NDST3: variants seen among roughly 807,000 people sequenced by gnomAD.
The protein encoded by NDST3 is N-deacetylase and N-sulfotransferase 3, also known as bifunctional heparan sulfate N-deacetylase/N-sulfotransferase 3.
NDST3 carries 58 observed loss-of-function variants against 96.1 expected under a neutral mutation model. That is an observed-to-expected ratio of 0.60 (90% CI 0.49 to 0.75). The LOEUF (loss-of-function observed/expected upper bound fraction) is 0.75. Ranked by LOEUF, NDST3 falls within the 30% of genes least tolerant of loss-of-function variation. NDST3 has a pLI of 0.00. For missense variants in NDST3, 788 were observed against 1,034.2 expected, an observed-to-expected ratio of 0.76 and a Z score of 3.27; for synonymous variants, 333 against 359.7, an observed-to-expected ratio of 0.93 and a Z score of 0.84.
At chr4:118,131,951 T>C (rs1455311127) in intron 4 of NDST3, among the ~76,000 whole-genome samples, 2 of 152,124 alleles carry the variant, frequency 1.3e-5, no homozygotes, top group Non-Finnish European at 2.9e-5. Context: ...ACTGGGATTA[T>C]GATGATGCAA....
chr4:118,189,927 T>C (rs1167697806), intron 6 of NDST3, among the ~76,000 whole-genome samples: 3 of 152,164 alleles, frequency 2.0e-5, no homozygotes, highest in African/African-American at 7.2e-5. Flanking sequence ...CCATAGGTCT[T>C]TTATGTTTTA....
intron 2 of NDST3, among the ~76,000 whole-genome samples, chr4:118,065,865 C>T (rs1260517493): frequency 6.6e-6 from 1 of 150,608 alleles, no homozygotes; most frequent in Non-Finnish European, 1.5e-5. Flanking sequence ...TTTTTCCCCC[C>T]TTCATACATA....
At chr4:118,047,129 CA>C (rs1371359663) in intron 1 of NDST3, among the ~76,000 whole-genome samples, 1 of 152,174 alleles carries the variant, frequency 6.6e-6, no homozygotes, top group African/African-American at 2.4e-5. Context: ...GATCCCAGCC[CA>C]AACTACCACG....
intron 1 of NDST3, among the ~76,000 whole-genome samples, chr4:118,035,826 CAT>C (rs914080856): frequency 4.1e-4 from 63 of 152,056 alleles, no homozygotes; most frequent in African/African-American, 1.5e-3. Flanking sequence ...GAGCTTGTCA[CAT>C]GAGTTAATTT....
rs1742103724 is a variant in NDST3, at chr4:118,256,080, CACT to C, written c.*369_*371del. The C allele has an allele frequency of 6.5e-6, 1 of 154,370 alleles. No individual in the cohort carries two copies. Among genetic ancestry groups the C allele is most frequent in the Non-Finnish European group, 1.4e-5 (1 of 69,652 alleles). 9.6% of individuals were successfully genotyped at this position (154,370 alleles called of 1,614,324 possible). On this transcript the variant is annotated 3_prime_UTR_variant, in exon 14 of 14. Transcript: ENST00000296499. ...ATTGTGTCTCTGTAGGTTTTTAGACCACTGTTTGCCTGTACGATGTTTTCTTAT... is the reference window on the plus strand; with the variant it reads ...ATTGTGTCTCTGTAGGTTTTTAGACCGTTTGCCTGTACGATGTTTTCTTAT...
At chr4:118,253,214 TA>T (rs1741869283) in intron 12 of NDST3, among the ~76,000 whole-genome samples, 2 of 152,212 alleles carry the variant, frequency 1.3e-5, no homozygotes, top group South Asian at 4.1e-4. Context: ...ATGAAGGAAG[TA>T]GCCTTATTAA....
At chr4:118,223,443 A>C (rs10024837) in intron 6 of NDST3, among the ~76,000 whole-genome samples, 6 of 152,080 alleles carry the variant, frequency 3.9e-5, no homozygotes, top group African/African-American at 1.4e-4. Context: ...AAAATAATTT[A>C]TTTGTAAAAG....
intron 6 of NDST3, among the ~76,000 whole-genome samples, chr4:118,202,529 A>G (rs1738158115): frequency 6.6e-6 from 1 of 151,690 alleles, no homozygotes; most frequent in Non-Finnish European, 1.5e-5. Context: ...GAGATCTTTC[A>G]CCTCCTTGGC....
intron 8 of NDST3, among the ~76,000 whole-genome samples, chr4:118,227,497 A>C (rs1739966394): frequency 3.9e-5 from 6 of 152,148 alleles, no homozygotes. Flanking sequence ...AGACATACAC[A>C]AAACTTTGTG....
intron 6 of NDST3, among the ~76,000 whole-genome samples, chr4:118,197,220 C>A (rs572107478): frequency 8.5e-5 from 13 of 152,202 alleles, no homozygotes; most frequent in African/African-American, 2.9e-4. Flanking sequence ...ATATGATTAA[C>A]ATTTTTTTGA....
chr4:118,037,528 C>G (rs1724220175), intron 1 of NDST3, among the ~76,000 whole-genome samples: 1 of 152,174 alleles, frequency 6.6e-6, no homozygotes, highest in Non-Finnish European at 1.5e-5. Context: ...ACTACATTGT[C>G]TCTCTATAGG....
At chr4:118,087,021 T>G (rs552187374) in intron 2 of NDST3, among the ~76,000 whole-genome samples, 24 of 152,244 alleles carry the variant, frequency 1.6e-4, no homozygotes, top group South Asian at 1.0e-3. Context: ...TTGTTATAAC[T>G]AGAAATATTG....
At chr4:118,051,497 CA>C (rs1222432516) in intron 1 of NDST3, among the ~76,000 whole-genome samples, 1 of 152,018 alleles carries the variant, frequency 6.6e-6, no homozygotes, top group Admixed American at 6.6e-5. Context: ...AAAATATTCA[CA>C]AAGTGTGCAT....
intron 6 of NDST3, among the ~76,000 whole-genome samples, chr4:118,146,729 T>G (rs1348574450): frequency 6.6e-6 from 1 of 152,182 alleles, no homozygotes. Flanking sequence ...CTAAATGAGC[T>G]TTTCCAATGT....
chr4:118,187,306 G>A (rs926235399), intron 6 of NDST3, among the ~76,000 whole-genome samples: 2 of 152,240 alleles, frequency 1.3e-5, no homozygotes, highest in African/African-American at 4.8e-5. Context: ...AGCTTTTGCA[G>A]TAGAATCTGC....
At chr4:118,124,360 T>C (rs1223346317) in intron 4 of NDST3, among the ~76,000 whole-genome samples, 1 of 152,044 alleles carries the variant, frequency 6.6e-6, no homozygotes, top group African/African-American at 2.4e-5. Context: ...TTCCCCCAAA[T>C]AAAGAATACT....
At chr4:118,033,496 C>CG (rs947894719), upstream of NDST3, 2 of 151,996 alleles carry the variant, frequency 1.3e-5, no homozygotes, top group African/African-American at 2.4e-5. Flanking sequence ...AGGGCCGGTC[C>CG]GGGCGGGAGC....
intron 6 of NDST3, among the ~76,000 whole-genome samples, chr4:118,210,142 C>A (rs1358466885): frequency 6.6e-6 from 1 of 151,998 alleles, no homozygotes; most frequent in Non-Finnish European, 1.5e-5. Flanking sequence ...AAGAGTTGTG[C>A]TGTGTGTTGA....
In NDST3 at chr4:118,138,515, G is replaced by C. The variant is rs552106955; in HGVS notation, c.1410+276G>C. Among the ~76,000 whole-genome samples the C allele has an allele frequency of 2.6e-5, 4 of 152,262 alleles. No individual in the cohort carries two copies. The South Asian group carries it at 8.3e-4, about 32-fold the overall frequency. On this transcript the variant is annotated intron_variant, in intron 5 of 13. Transcript: ENST00000296499. ...AAAAAAAAATTACATTTAACTTGCAGATAATTTTTAGTAGACATCACTTCT... is the reference window on the plus strand; with the variant it reads ...AAAAAAAAATTACATTTAACTTGCACATAATTTTTAGTAGACATCACTTCT...
Sources: gnomAD v4.1 joint callset for allele counts (sites outside exome capture counted in the v4.1 genomes callset) on GRCh38, gnomAD v4.1.1 for gene constraint, MANE v1.5 for transcripts, NCBI Gene and HGNC (gene_info 2026-07-23, HGNC 2026-07-21) for gene names.